The following PARP9 variants were observed in gnomAD, a reference collection of about 807,000 sequenced individuals.
The protein encoded by PARP9 is poly(ADP-ribose) polymerase family member 9.
A neutral mutation model predicts 68.8 loss-of-function variants in PARP9; 48 were observed. The observed-to-expected ratio is 0.70, with a 90% confidence interval of 0.55 to 0.89. The LOEUF (loss-of-function observed/expected upper bound fraction) is 0.89. Ranked by LOEUF, PARP9 falls within the 40% of genes least tolerant of loss-of-function variation. The pLI, the probability that PARP9 is intolerant of heterozygous loss-of-function variation, is 0.00. For missense variants in PARP9, 806 were observed against 969.3 expected (o/e 0.83, Z 2.24); for synonymous variants, 309 against 333.8 (o/e 0.93, Z 0.81).
intron 1 of PARP9, among the ~76,000 whole-genome samples, chr3:122,562,349 ATTTTTT>A (rs58857328): frequency 7.0e-6 from 1 of 142,638 alleles, no homozygotes; most frequent in African/African-American, 2.6e-5. Context: ...CGCCTGGCTA[ATTTTTT>A]TTTTTTTTGT....
At chr3:122,552,185 G>A (rs2079257870) in intron 5 of PARP9, among the ~76,000 whole-genome samples, 3 of 152,014 alleles carry the variant, frequency 2.0e-5, no homozygotes, top group South Asian at 2.1e-4. Flanking sequence ...CTCCCAAAGC[G>A]CTGGACTCAC....
chr3:122,539,506 CAT>C (rs2077933482), intron 8 of PARP9, among the ~76,000 whole-genome samples: 1 of 125,906 alleles, frequency 7.9e-6, no homozygotes, highest in African/African-American at 3.0e-5. Context: ...CCCAAGATGG[CAT>C]TTCTTTCTTT....
chr3:122,552,638 G>T lies in PARP9; in HGVS notation c.887C>A (p.Ala296Glu). Residue 296 changes from alanine to glutamate, a missense_variant and splice_region_variant, in exon 5 of 11, where the codon GCA (alanine) becomes GAA (glutamate). By Grantham distance (107) the Ala-to-Glu change is moderately radical (BLOSUM62 -1). Transcript: ENST00000682323. ...GTTTACAGAATTAACAATTACATCT[G>T]CCTGAAAAGGGAAGAAAGGGTAGGA... ...IVQGHIEWQT[A>E]DVIVNSVNPH... The T allele has an allele frequency of 6.3e-7, 1 of 1,598,126 alleles. No individual in the cohort carries two copies. The highest frequency in any genetic ancestry group is 8.6e-7 in the Non-Finnish European group (1 of 1,165,942).
At chr3:122,535,277 C>A (rs2077559158) in intron 10 of PARP9, 1 of 985,190 alleles carries the variant, frequency 1.0e-6, no homozygotes, top group Admixed American at 6.2e-5. Flanking sequence ...TTTTTATCCC[C>A]AGTAATTGTC....
At chr3:122,534,944 C>T (rs1489847877) in intron 10 of PARP9, 8 of 982,518 alleles carry the variant, frequency 8.1e-6, no homozygotes, top group Non-Finnish European at 9.7e-6. Context: ...TGGCTAAGAC[C>T]TTGGGACCAT....
At chr3:122,535,925 G>C in intron 10 of PARP9, 1 of 1,382,720 alleles carries the variant, frequency 7.2e-7, no homozygotes. Context: ...GTGAACCGTA[G>C]TTCTTACTGC....
Position 122,549,072 on chromosome 3 carries a change from T to C in PARP9, c.1326+1512A>G, listed in dbSNP as rs559900999. 5.9e-3 allele frequency among the ~76,000 whole-genome samples: 894 copies of C among 151,616 alleles called. 6 individuals carry two copies. The highest frequency in any genetic ancestry group is 9.5e-3 in the Non-Finnish European group (644 of 67,928). On this transcript the variant is annotated intron_variant, in intron 6 of 10. Coordinates refer to ENST00000682323, the MANE Select transcript of PARP9 (RefSeq NM_001146105.2). ...TCTTGTTGCCCAAGCCCGGGTGCAA[T>C]GGTGCGATCTCAGCTCACTCCAACC...
chr3:122,540,577 C>T lies in PARP9; in HGVS notation c.1660G>A (p.Ala554Thr). The T allele has an allele frequency of 6.2e-7, 1 of 1,614,148 alleles. No individual in the cohort carries two copies. The highest frequency in any genetic ancestry group is 1.1e-5 in the South Asian group (1 of 91,080). The change falls in exon 8 of 11, where the codon GCC becomes ACC. Residue 554 changes from alanine to threonine, a missense_variant. Ala to Thr is a moderately conservative substitution (Grantham distance 58). Transcript: ENST00000682323. ...PGRTELEIEG[A>T]RADLIEVVMN... ...ACCACCTCAATGAGGTCAGCCCGGG[C>T]TCCTTCAATCTCTAACTCTGTCCTT...
intron 1 of PARP9, among the ~76,000 whole-genome samples, chr3:122,561,933 C>A (rs1157438561): frequency 6.6e-6 from 1 of 152,164 alleles, no homozygotes; most frequent in Non-Finnish European, 1.5e-5. Context: ...CATCCCACCC[C>A]CACCAAATCC....
intron 10 of PARP9, among the ~76,000 whole-genome samples, chr3:122,529,535 G>T (rs1190498896): frequency 6.6e-6 from 1 of 151,314 alleles, no homozygotes; most frequent in Non-Finnish European, 1.5e-5. Context: ...CTGATCACGA[G>T]GTCAGGAGAT....
chr3:122,562,199 T>C (rs1461161370), intron 1 of PARP9, among the ~76,000 whole-genome samples: 1 of 133,944 alleles, frequency 7.5e-6, no homozygotes, highest in Admixed American at 7.5e-5. Context: ...TTTTCTTTTC[T>C]TTTCTTTTTG....
At chr3:122,539,507 A>ATTTCCTTCTTTCTTTCTTTC (rs2077941017) in intron 8 of PARP9, among the ~76,000 whole-genome samples, 1 of 133,160 alleles carries the variant, frequency 7.5e-6, no homozygotes. Context: ...CCAAGATGGC[A>ATTTCCTTCTTTCTTTCTTTC]TTTCTTTCTT....
intron 7 of PARP9, among the ~76,000 whole-genome samples, chr3:122,544,541 G>C (rs898143833): frequency 6.6e-6 from 1 of 152,048 alleles, no homozygotes; most frequent in South Asian, 2.1e-4. Context: ...TCCACTAAAA[G>C]AATGATGTTA....
chr3:122,564,173 C>G (rs2080485244), intron 1 of PARP9, 72 bp downstream of exon 1: 1 of 488,794 alleles, frequency 2.0e-6, no homozygotes, highest in East Asian at 3.6e-5. Flanking sequence ...GCGCCCGTCC[C>G]CCTTCTCCCC....
rs773308580 is a variant in PARP9, at chr3:122,528,369, C to T, written c.2455G>A (p.Asp819Asn). 3.1e-6 allele frequency: 5 copies of T among 1,611,532 alleles called. No individual in the cohort carries two copies. The East Asian group carries it at 6.7e-5, about 22-fold the overall frequency. ...CTGTTAAAATGATGTAGAGATTAAT[C>T]AACAGGGCTGCCACTTGCGAATCCC... is the stretch of plus-strand genomic sequence containing the variant. ...WRGFASGSPV[D>N] The change falls in exon 11 of 11, where the codon GAT (aspartate) becomes AAT (asparagine). Residue 819 changes from aspartate (D) to asparagine (N), a missense_variant. Physicochemically the swap from Asp to Asn is conservative, Grantham distance 23. This residue lies in a region of PARP9 where 680 missense variants were observed against 858.8 expected (regional missense o/e 0.79). Transcript: ENST00000682323.
chr3:122,540,407 G>A, intron 8 of PARP9, 65 bp downstream of exon 8: 15 of 1,568,538 alleles, frequency 9.6e-6, no homozygotes, highest in East Asian at 2.2e-5. Flanking sequence ...ATACATACAC[G>A]CTCACACCCA....
At chr3:122,532,998 T>C (rs577848905) in intron 10 of PARP9, 1 of 152,314 alleles carries the variant, frequency 6.6e-6, no homozygotes, top group Non-Finnish European at 1.5e-5. Flanking sequence ...ATACAGATAT[T>C]AAGCAAGAAT....
At chr3:122,556,889 T>C (rs2079732040) in intron 3 of PARP9, among the ~76,000 whole-genome samples, 1 of 152,174 alleles carries the variant, frequency 6.6e-6, no homozygotes, top group Non-Finnish European at 1.5e-5. Context: ...CAGTCTTGGC[T>C]CACTGCAACT....
intron 3 of PARP9, among the ~76,000 whole-genome samples, chr3:122,556,971 T>G (rs2079741211): frequency 6.6e-6 from 1 of 152,136 alleles, no homozygotes; most frequent in South Asian, 2.1e-4. Flanking sequence ...CTCACAGCAC[T>G]ACACCCACAC....
Sources: allele counts gnomAD v4.1 joint callset (sites outside exome capture counted in the v4.1 genomes callset), GRCh38; gene constraint gnomAD v4.1.1; regional missense constraint gnomAD v4.1.1; transcripts MANE v1.5; gene names NCBI Gene and HGNC (gene_info 2026-07-23, HGNC 2026-07-21).